Variants in MOBP observed in about 807,000 individuals in gnomAD.
MOBP encodes myelin associated oligodendrocyte basic protein.
MOBP carries 5 observed loss-of-function variants against 15.0 expected under a neutral mutation model. That is an observed-to-expected ratio of 0.33 (90% CI 0.17 to 0.70). The LOEUF is 0.70. Ranked by LOEUF, MOBP falls within the 30% of genes least tolerant of loss-of-function variation. The pLI is 0.67. For synonymous variants in MOBP, 88 were observed against 99.0 expected, an observed-to-expected ratio of 0.89 and a Z score of 0.66; for missense variants, 188 against 257.8, an observed-to-expected ratio of 0.73 and a Z score of 1.85.
chr3:39,482,214 T>C (rs1464111164), intron 2 of MOBP, among the ~76,000 whole-genome samples: 1 of 152,158 alleles, frequency 6.6e-6, no homozygotes, highest in Non-Finnish European at 1.5e-5. Context: ...TCATTACCAC[T>C]TCTTATGTGC....
intron 3 of MOBP, among the ~76,000 whole-genome samples, chr3:39,522,234 A>G (rs2043277943): frequency 6.6e-6 from 1 of 152,246 alleles, no homozygotes; most frequent in Admixed American, 6.5e-5. Context: ...AAACAAACAC[A>G]TTAAGCAATT....
chr3:39,513,702 C>G (rs771393142), exon 5 of MOBP: 2 of 416,726 alleles, frequency 4.8e-6, no homozygotes, highest in Non-Finnish European at 8.5e-6. Flanking sequence ...TTTTGTTTCA[C>G]CTGCAGTCCT....
At chr3:39,512,911 A>T (rs186496090) in intron 4 of MOBP, among the ~76,000 whole-genome samples, 2 of 152,236 alleles carry the variant, frequency 1.3e-5, no homozygotes, top group East Asian at 3.9e-4. Context: ...TCTTTATTGG[A>T]TGTTGTTTAT....
At chr3:39,497,433 C>T (rs996678743) in intron 2 of MOBP, among the ~76,000 whole-genome samples, 3 of 152,226 alleles carry the variant, frequency 2.0e-5, no homozygotes, top group Non-Finnish European at 2.9e-5. Flanking sequence ...ATCTCTAGTC[C>T]TCTGAAGTCT....
chr3:39,469,043 CATATGTGTGTGTATATACATATATACAT>C lies in MOBP; in HGVS notation c.-89+1306_-89+1333del, dbSNP rs1575276706. 1.3e-4 allele frequency among the ~76,000 whole-genome samples: 6 copies of C among 46,490 alleles called. 2 individuals carry two copies. Among genetic ancestry groups the C allele is most frequent in the African/African-American group, 9.2e-4 (6 of 6,524 alleles). 30.5% of individuals were successfully genotyped at this position (46,490 alleles called of 152,430 possible). Reference sequence around the variant, plus strand: ...ATGTGTGTATATATATACATATATACATATGTGTGTGTATATACATATATACATATGTGTGTGTGTATATACATATATA... The same window carrying C: ...ATGTGTGTATATATATACATATATACATGTGTGTGTGTATATACATATATA... On this transcript the variant is annotated intron_variant, in intron 1 of 3. Coordinates refer to ENST00000684792, the MANE Select transcript of MOBP (RefSeq NM_001393704.1).
At chr3:39,468,359 G>T (rs1387191784) in intron 1 of MOBP, among the ~76,000 whole-genome samples, 2 of 152,156 alleles carry the variant, frequency 1.3e-5, no homozygotes, top group Non-Finnish European at 2.9e-5. Flanking sequence ...AATATTATGT[G>T]TCAGGGAGGC....
intron 4 of MOBP, among the ~76,000 whole-genome samples, chr3:39,510,393 T>C (rs2043104095): frequency 1.3e-5 from 2 of 152,174 alleles, no homozygotes; most frequent in African/African-American, 4.8e-5. Context: ...AGGAGCTGTG[T>C]TGACCTTATA....
intron 2 of MOBP, chr3:39,500,150 T>C (rs927177042): frequency 1.1e-5 from 5 of 448,450 alleles, no homozygotes; most frequent in African/African-American, 8.0e-5. Flanking sequence ...TCTCAGTAAA[T>C]GAAGTTTTTC....
At position 39,502,986 on chromosome 3, in the gene MOBP, C is replaced by T. The variant is rs2042997695; in HGVS notation, c.*106C>T. 3 of 603,704 alleles carry T rather than the reference C, an allele frequency of 5.0e-6. No individual in the cohort carries two copies. The highest frequency in any genetic ancestry group is 8.6e-6 in the Non-Finnish European group (3 of 347,262). 37.4% of individuals were successfully genotyped at this position (603,704 alleles called of 1,614,324 possible). On this transcript the variant is annotated 3_prime_UTR_variant, in exon 4 of 4. Transcript: ENST00000684792. The surrounding 1 kb of genome is among the most constrained non-coding windows in gnomAD (Gnocchi z 6.3). ...GCCCTCTTCAGCCTTATTACCCAAC[C>T]TGTGTAATCAGCTCCCTCCATTAAA...
intron 3 of MOBP, among the ~76,000 whole-genome samples, chr3:39,523,337 AT>A (rs917313219): frequency 4.2e-4 from 64 of 152,188 alleles, no homozygotes; most frequent in Admixed American, 2.8e-3. Context: ...ACATATCTTG[AT>A]TTTTTCTTTT....
intron 1 of MOBP, among the ~76,000 whole-genome samples, chr3:39,469,206 A>G (rs866197463): frequency 7.7e-5 from 5 of 64,898 alleles, no homozygotes; most frequent in Non-Finnish European, 1.4e-4. Context: ...ACATATATAC[A>G]TGTGTGTGTA....
chr3:39,512,639 CA>C (rs1198636671), intron 4 of MOBP, among the ~76,000 whole-genome samples: 5 of 152,184 alleles, frequency 3.3e-5, no homozygotes, highest in Non-Finnish European at 5.9e-5. Context: ...CCAAATTACA[CA>C]AAAGCTGTGA....
exon 5 of MOBP, chr3:39,513,458 C>T (rs773140830): frequency 1.9e-6 from 3 of 1,603,146 alleles, no homozygotes; most frequent in South Asian, 1.1e-5. Flanking sequence ...ACAACCTCGG[C>T]TCCTGGACTC....
intron 2 of MOBP, among the ~76,000 whole-genome samples, chr3:39,489,778 G>C (rs570903600): frequency 1.3e-5 from 2 of 152,118 alleles, no homozygotes; most frequent in African/African-American, 2.4e-5. Flanking sequence ...CCTTCGAGCC[G>C]ACTGCCACAT....
chr3:39,471,482 C>T (rs557745370), intron 1 of MOBP, among the ~76,000 whole-genome samples: 4 of 152,200 alleles, frequency 2.6e-5, no homozygotes, highest in Non-Finnish European at 5.9e-5. Flanking sequence ...ATCTTGGGAA[C>T]TCCCATGGGT....
chr3:39,506,272 G>A (rs746412175), downstream of MOBP, among the ~76,000 whole-genome samples: 3 of 151,932 alleles, frequency 2.0e-5, no homozygotes, highest in African/African-American at 4.8e-5. Context: ...GTGTAAACTC[G>A]TCATCTTTAC....
Position 39,496,354 on chromosome 3 carries a change from A to G in MOBP, c.-4-5712A>G, listed in dbSNP as rs555830880. Among the ~76,000 whole-genome samples, 546 of 151,656 alleles carry G rather than the reference A, an allele frequency of 3.6e-3. 1 individual carries two copies. Among genetic ancestry groups the G allele is most frequent in the African/African-American group, 0.012 (513 of 41,332 alleles). ...GCTGGGACTACAGGTGCCCGCCACC[A>G]CACCCAGCTAATTTTTTTGTATTTT... is the stretch of plus-strand genomic sequence containing the variant. On this transcript the variant is annotated intron_variant, in intron 2 of 3. Coordinates refer to ENST00000684792, the MANE Select transcript of MOBP (RefSeq NM_001393704.1).
Position 39,502,905 on chromosome 3 carries a change from C to A in MOBP, c.*25C>A. 3.8e-6 allele frequency: 4 copies of A among 1,059,680 alleles called. No homozygotes were observed. The highest frequency in any genetic ancestry group is 1.6e-5 in the African/African-American group (1 of 62,716). The allele number at this position is 1,059,680 out of a possible 1,614,324, so 65.6% of individuals were successfully genotyped here. A position where few individuals can be genotyped will look rare whatever the true frequency, so the allele number is the denominator to read the frequency against. On this transcript the variant is annotated 3_prime_UTR_variant, in exon 4 of 4. Coordinates refer to ENST00000684792, the MANE Select transcript of MOBP (RefSeq NM_001393704.1). This position sits in a 1 kb window ranked among gnomAD's most constrained non-coding sequence, Gnocchi z 6.3. The stretch of plus-strand genomic sequence containing the variant: ...ACACCATCTCTTCCCTTTTGTTCCC[C>A]AGCCCTAAGGTTAGTAGTTGCTTCC...
chr3:39,474,993 A>C (rs2042525742), intron 1 of MOBP, among the ~76,000 whole-genome samples: 1 of 152,170 alleles, frequency 6.6e-6, no homozygotes, highest in Middle Eastern at 3.2e-3. Flanking sequence ...CATATTTTAC[A>C]AGTTTTACCA....
Sources: allele counts gnomAD v4.1 joint callset (sites outside exome capture counted in the v4.1 genomes callset), GRCh38; gene constraint gnomAD v4.1.1; non-coding constraint Gnocchi (gnomAD v3.1); transcripts MANE v1.5; gene names NCBI Gene and HGNC (gene_info 2026-07-23, HGNC 2026-07-21).